NAT1: variants seen among roughly 807,000 people sequenced by gnomAD.
NAT1 encodes N-acetyltransferase 1, also known as arylamine N-acetyltransferase 1.
For synonymous variants in NAT1, 144 were observed against 122.6 expected, an observed-to-expected ratio of 1.17 and a Z score of -1.16; for missense variants, 400 against 339.2, an observed-to-expected ratio of 1.18 and a Z score of -1.41.
At chr8:18,174,829 T>G (rs189266802) in intron 2 of NAT1, among the ~76,000 whole-genome samples, 183 of 152,198 alleles carry the variant, frequency 1.2e-3, no homozygotes, top group Middle Eastern at 3.4e-3. Context: ...ATTGGCTCTA[T>G]AACCCTTTTA....
Position 18,222,619 on chromosome 8 carries a change from C to T in NAT1, c.572C>T (p.Ser191Phe), listed in dbSNP as rs141552883. 2.2e-4 allele frequency: 362 copies of T among 1,613,368 alleles called. No individual in the cohort carries two copies. Among genetic ancestry groups the T allele is most frequent in the Non-Finnish European group, 2.5e-4 (292 of 1,179,740 alleles). Residue 191 changes from serine to phenylalanine, a missense_variant, in exon 3 of 3, where the codon TCC becomes TTC. Ser to Phe is a radical substitution (Grantham distance 155). Coordinates refer to ENST00000307719, the MANE Select transcript of NAT1 (RefSeq NM_000662.8). ...LEDSKYRKIYSFTLKPRTIED... is the reference protein window; with the variant it reads ...LEDSKYRKIYFFTLKPRTIED... ...GACAGCAAATACCGAAAAATCTACTCCTTTACTCTTAAGCCTCGAACAATT... is the reference window on the plus strand; with the variant it reads ...GACAGCAAATACCGAAAAATCTACTTCTTTACTCTTAAGCCTCGAACAATT...
chr8:18,171,864 T>A (rs1802109154), intron 2 of NAT1, among the ~76,000 whole-genome samples: 1 of 152,172 alleles, frequency 6.6e-6, no homozygotes, highest in Admixed American at 6.6e-5. Context: ...TACTTAAAAG[T>A]AAGTAGCAGT....
intron 2 of NAT1, among the ~76,000 whole-genome samples, chr8:18,181,589 C>T (rs938187837): frequency 2.0e-5 from 3 of 152,118 alleles, no homozygotes; most frequent in Non-Finnish European, 2.9e-5. Flanking sequence ...CTGGCTACAA[C>T]TTCTAGTACT....
intron 2 of NAT1, among the ~76,000 whole-genome samples, chr8:18,187,412 G>A (rs943491241): frequency 3.9e-5 from 6 of 152,136 alleles, no homozygotes; most frequent in Non-Finnish European, 7.3e-5. Context: ...GTTCATTGCA[G>A]CACTATTCAC....
intron 2 of NAT1, among the ~76,000 whole-genome samples, chr8:18,219,733 G>C (rs866106287): frequency 1.3e-5 from 2 of 152,192 alleles, no homozygotes; most frequent in Non-Finnish European, 2.9e-5. Flanking sequence ...CTTATGTTCA[G>C]CCACAGAATG....
chr8:18,199,300 C>T (rs1464664360), intron 2 of NAT1, among the ~76,000 whole-genome samples: 3 of 101,790 alleles, frequency 2.9e-5, no homozygotes, highest in Non-Finnish European at 5.9e-5. Flanking sequence ...GGCGACAAAA[C>T]AAGAAAGACT....
intron 2 of NAT1, among the ~76,000 whole-genome samples, chr8:18,180,531 C>T (rs1206774156): frequency 6.6e-6 from 1 of 151,968 alleles, no homozygotes; most frequent in Non-Finnish European, 1.5e-5. Context: ...TTGTAGTGTC[C>T]TTATTTGGCT....
At chr8:18,174,089 G>A (rs938430111) in intron 2 of NAT1, among the ~76,000 whole-genome samples, 11 of 152,040 alleles carry the variant, frequency 7.2e-5, no homozygotes, top group South Asian at 2.1e-4. Context: ...GGCGCCCTAG[G>A]GTCACTAAGA....
chr8:18,185,428 A>C lies in NAT1; in HGVS notation n.92+14689A>C, dbSNP rs73589917. On this transcript the variant is annotated intron_variant and non_coding_transcript_variant, in intron 2 of 4. Transcript: ENST00000517441. ...TAAGTTTACCAAAATTTTCAAACTTATTGCCATAATACTGGTCATAATGTG... is the reference window on the plus strand; with the variant it reads ...TAAGTTTACCAAAATTTTCAAACTTCTTGCCATAATACTGGTCATAATGTG... 9.5e-3 allele frequency among the ~76,000 whole-genome samples: 1,453 copies of C among 152,240 alleles called. 35 individuals are homozygous for C. Among genetic ancestry groups the C allele is most frequent in the African/African-American group, 0.033 (1,387 of 41,548 alleles).
intron 2 of NAT1, among the ~76,000 whole-genome samples, chr8:18,178,981 T>C (rs1018166791): frequency 1.4e-4 from 21 of 152,134 alleles, no homozygotes; most frequent in Admixed American, 1.4e-3. Flanking sequence ...AGAATACCTT[T>C]CCTCAACAGT....
chr8:18,191,733 T>C (rs62494029), intron 2 of NAT1, among the ~76,000 whole-genome samples: 1,659 of 152,164 alleles, frequency 0.011, 19 homozygotes, highest in Middle Eastern at 0.027. Context: ...GAAAAAGCAA[T>C]GGGGAAAGGA....
chr8:18,171,699 T>C (rs1180133397), intron 2 of NAT1, among the ~76,000 whole-genome samples: 1 of 152,212 alleles, frequency 6.6e-6, no homozygotes, highest in East Asian at 1.9e-4. Context: ...TACACAATTC[T>C]GCAGACAAAA....
intron 2 of NAT1, among the ~76,000 whole-genome samples, chr8:18,204,104 C>G (rs989912958): frequency 6.6e-6 from 1 of 152,306 alleles, no homozygotes; most frequent in Admixed American, 6.5e-5. Context: ...ACACCACTTT[C>G]TCCTGCCTGC....
chr8:18,192,432 C>T (rs1232869008), intron 2 of NAT1, among the ~76,000 whole-genome samples: 16 of 152,274 alleles, frequency 1.1e-4, no homozygotes, highest in Admixed American at 3.3e-4. Context: ...GTCAGTGTGG[C>T]GATTCCTCAG....
chr8:18,200,517 G>T (rs1803416173), intron 2 of NAT1, among the ~76,000 whole-genome samples: 1 of 152,120 alleles, frequency 6.6e-6, no homozygotes, highest in Non-Finnish European at 1.5e-5. Flanking sequence ...GGGAACAACA[G>T]ACACCGGGAT....
Position 18,222,573 on chromosome 8 carries a change from C to T in NAT1, c.526C>T (p.Leu176Phe), listed in dbSNP as rs765738013. 2 of 1,613,896 alleles carry T rather than the reference C, an allele frequency of 1.2e-6. No homozygotes were observed. Among genetic ancestry groups the T allele is most frequent in the African/African-American group, 1.3e-5 (1 of 74,920 alleles). Reference protein sequence around the residue: ...REQYIPNEEFLHSDLLEDSKY... With the variant: ...REQYIPNEEFFHSDLLEDSKY... ...ACAGTACATTCCAAATGAAGAATTT[C>T]TTCATTCTGATCTCCTAGAAGACAG... Residue 176 changes from leucine (L) to phenylalanine (F), a missense_variant, in exon 3 of 3, where the codon CTT (leucine) becomes TTT (phenylalanine). Coordinates refer to ENST00000307719, the MANE Select transcript of NAT1 (RefSeq NM_000662.8).
chr8:18,173,913 A>G (rs533352708), intron 2 of NAT1, among the ~76,000 whole-genome samples: 38 of 149,192 alleles, frequency 2.5e-4, no homozygotes, highest in African/African-American at 8.5e-4. Flanking sequence ...GCAATTACTT[A>G]AAGGAGTGAA....
intron 2 of NAT1, among the ~76,000 whole-genome samples, chr8:18,190,656 G>C (rs909305731): frequency 2.6e-5 from 4 of 152,200 alleles, no homozygotes; most frequent in Middle Eastern, 3.2e-3. Context: ...AGCATGTGGA[G>C]CACTGATGCA....
chr8:18,194,095 G>C (rs1049470681), intron 2 of NAT1, among the ~76,000 whole-genome samples: 1 of 152,176 alleles, frequency 6.6e-6, no homozygotes, highest in East Asian at 1.9e-4. Flanking sequence ...ACTGGGGTAT[G>C]ATTAGGGCTG....
Sources: gnomAD v4.1 joint callset for allele counts (sites outside exome capture counted in the v4.1 genomes callset) on GRCh38, gnomAD v4.1.1 for gene constraint, MANE v1.5 for transcripts, NCBI Gene and HGNC (gene_info 2026-07-23, HGNC 2026-07-21) for gene names.